Variants in ATP2A3 observed in about 807,000 individuals in gnomAD.
ATP2A3 encodes sarcoplasmic/endoplasmic reticulum calcium ATPase 3.
In ATP2A3, 61 loss-of-function variants were observed where a neutral mutation model predicts 106.8. The ratio of observed to expected loss-of-function variants is 0.57; its 90% confidence interval spans 0.46 to 0.71. The LOEUF is 0.71. Ranked by LOEUF, ATP2A3 falls within the 30% of genes least tolerant of loss-of-function variation. The pLI, the probability that ATP2A3 is intolerant of heterozygous loss-of-function variation, is 0.00. For synonymous variants in ATP2A3, 611 were observed against 609.3 expected, an observed-to-expected ratio of 1.00 and a Z score of -0.04; for missense variants, 1,201 against 1,423.5, an observed-to-expected ratio of 0.84 and a Z score of 2.52.
chr17:3,941,636 T>G lies in ATP2A3; in HGVS notation c.1564A>C (p.Ile522Leu). The change falls in exon 13 of 21, where the codon ATC (isoleucine) becomes CTC (leucine). Residue 522 changes from isoleucine to leucine, a missense_variant. Physicochemically the swap from Ile to Leu is conservative, Grantham distance 5 (BLOSUM62 2). Around this residue, in one of 2 missense-constraint regions of ATP2A3, gnomAD observed 935 missense variants for 1,176.7 expected, o/e 0.79. Coordinates refer to ENST00000397041, the MANE Select transcript of ATP2A3 (RefSeq NM_005173.4). Reference protein sequence around the residue: ...MFVKGAPESVIERCSSVRVGS... With the variant: ...MFVKGAPESVLERCSSVRVGS... ...ACGCGGACTGAGCTACAGCGCTCGA[T>G]CACACTCTCAGGAGCCCCCTGCGAG... The G allele has an allele frequency of 6.2e-7, 1 of 1,608,710 alleles. No individual in the cohort carries two copies. The highest frequency in any genetic ancestry group is 8.5e-7 in the Non-Finnish European group (1 of 1,179,988).
chr17:3,941,698 A>T, intron 12 of ATP2A3, 44 bp from the exon 13 acceptor site: 1 of 1,583,388 alleles, frequency 6.3e-7, no homozygotes, highest in Non-Finnish European at 8.6e-7. Flanking sequence ...ATCAGTCAGA[A>T]CCCCTCCTCT....
chr17:3,960,387 G>A (rs562678049), intron 1 of ATP2A3, among the ~76,000 whole-genome samples: 6 of 152,348 alleles, frequency 3.9e-5, no homozygotes, highest in African/African-American at 1.4e-4. Context: ...GGCAGCCCTG[G>A]GGCCAAGGCG....
At chr17:3,945,535 C>T (rs919713491) in intron 8 of ATP2A3, among the ~76,000 whole-genome samples, 1 of 152,216 alleles carries the variant, frequency 6.6e-6, no homozygotes, top group African/African-American at 2.4e-5. Flanking sequence ...ACATGGGAAC[C>T]GCCCCCTCCT....
In ATP2A3 at chr17:3,935,231, C is replaced by T; in HGVS notation, c.2571G>A (p.Val857=). Residue 857 remains valine, a synonymous_variant, in exon 17 of 21, where the codon GTG becomes GTA. Coordinates refer to ENST00000397041, the MANE Select transcript of ATP2A3 (RefSeq NM_005173.4). ...TGATGTGAGGTCCCTCGGCGTCATACACAAACCACCAGGTGGCGGCAGCCA... is the reference window on the plus strand; with the variant it reads ...TGATGTGAGGTCCCTCGGCGTCATATACAAACCACCAGGTGGCGGCAGCCA... ...ATVAAATWWF[V]YDAEGPHINF... 1.2e-6 allele frequency: 2 copies of T among 1,613,932 alleles called. No individual in the cohort carries two copies. The highest frequency in any genetic ancestry group is 1.7e-6 in the Non-Finnish European group (2 of 1,180,046).
rs1321308248 is a variant in ATP2A3 at position 3,942,673 on chromosome 17, G to A, written c.1478C>T (p.Ser493Phe). The change falls in exon 12 of 21, where the codon TCC (serine) becomes TTC (phenylalanine). Residue 493 changes from serine (S) to phenylalanine (F), a missense_variant. Physicochemically the swap from Ser to Phe is radical, Grantham distance 155. Coordinates refer to ENST00000397041, the MANE Select transcript of ATP2A3 (RefSeq NM_005173.4). ...GGTGGGCGTGCAGTACACGGACATG[G>A]ATTTCCGGTCTCGGGAGAACTCCAG... ...FTLEFSRDRK[S>F]MSVYCTPTRP... 1.9e-6 allele frequency: 3 copies of A among 1,613,624 alleles called. No homozygotes were observed. The highest frequency in any genetic ancestry group is 3.3e-5 in the Admixed American group (2 of 60,006).
At chr17:3,927,168 C>T in intron 20 of ATP2A3, 1 of 985,436 alleles carries the variant, frequency 1.0e-6, no homozygotes, top group Middle Eastern at 5.2e-4. Context: ...TCCCTCCCAG[C>T]CCTCCTAGCC....
In ATP2A3 at chr17:3,951,404, G is replaced by A. The variant is rs1056874040; in HGVS notation, c.325-15C>T. ...GCGTTGCGTTCCTGCAGAATAGAAG[G>A]CCGGCAGGCAGTCTGTCCCTGCTGC... On this transcript the variant is annotated splice_polypyrimidine_tract_variant and intron_variant, in intron 4 of 20. Coordinates refer to ENST00000397041, the MANE Select transcript of ATP2A3 (RefSeq NM_005173.4). 2 of 1,613,368 alleles carry A rather than the reference G, an allele frequency of 1.2e-6. No individual in the cohort carries two copies. The highest frequency in any genetic ancestry group is 1.7e-6 in the Non-Finnish European group (2 of 1,179,990).
At chr17:3,954,383 C>T (rs916604420) in intron 1 of ATP2A3, among the ~76,000 whole-genome samples, 2 of 151,496 alleles carry the variant, frequency 1.3e-5, no homozygotes, top group East Asian at 1.9e-4. Context: ...TGCACTCCAT[C>T]GAGCTCAGTG....
intron 20 of ATP2A3, chr17:3,927,479 A>G: frequency 1.0e-6 from 1 of 985,444 alleles, no homozygotes; most frequent in Non-Finnish European, 1.2e-6. Flanking sequence ...CTGGCTGTGC[A>G]GGTGAGTGAG....
chr17:3,931,947 G>T (rs962411239), intron 17 of ATP2A3, among the ~76,000 whole-genome samples: 3 of 152,106 alleles, frequency 2.0e-5, no homozygotes, highest in Non-Finnish European at 4.4e-5. Flanking sequence ...TTCCCACACT[G>T]CACAAATGCA....
chr17:3,940,670 G>A (rs893418412), intron 14 of ATP2A3, among the ~76,000 whole-genome samples: 3 of 152,116 alleles, frequency 2.0e-5, no homozygotes, highest in East Asian at 1.9e-4. Context: ...ACCACGCCCC[G>A]CTAATTTTTG....
Position 3,941,296 on chromosome 17 carries a change from G to A in ATP2A3, c.1775C>T (p.Thr592Ile). Residue 592 changes from threonine to isoleucine, a missense_variant, in exon 14 of 21, where the codon ACC (threonine) becomes ATC (isoleucine). Coordinates refer to ENST00000397041, the MANE Select transcript of ATP2A3 (RefSeq NM_005173.4). ...SKFVQYETDL[T>I]FVGCVGMLDP... ...CAGCATGCCTACGCAGCCCACGAAGGTCAGGTCCGTCTGTAGGGAGGGGGC... is the reference window on the plus strand; with the variant it reads ...CAGCATGCCTACGCAGCCCACGAAGATCAGGTCCGTCTGTAGGGAGGGGGC... The A allele has an allele frequency of 3.7e-6, 6 of 1,613,630 alleles. No individual in the cohort carries two copies. The highest frequency in any genetic ancestry group is 5.1e-6 in the Non-Finnish European group (6 of 1,179,876).
intron 3 of ATP2A3, among the ~76,000 whole-genome samples, chr17:3,951,987 A>C (rs2054474333): frequency 6.6e-6 from 1 of 152,176 alleles, no homozygotes; most frequent in African/African-American, 2.4e-5. Context: ...CAGCAGCAGC[A>C]GCAGCTGGGA....
Position 3,928,344 on chromosome 17 carries a change from C to A in ATP2A3, c.2980+319G>T. ...AAAGACAGGCTGGGTGCAGAGGGGT[C>A]AGAGGCTGAGGCCCAGAAGAGCACA... is the stretch of plus-strand genomic sequence containing the variant. On this transcript the variant is annotated intron_variant, in intron 20 of 20. Transcript: ENST00000397041. The surrounding 1 kb of genome is among the most constrained non-coding windows in gnomAD (Gnocchi z 6.1). The A allele has an allele frequency of 6.2e-7, 1 of 1,609,934 alleles. No individual in the cohort carries two copies. The highest frequency in any genetic ancestry group is 1.1e-5 in the South Asian group (1 of 90,844).
intron 9 of ATP2A3, 96 bp from the exon 10 acceptor site, chr17:3,944,902 G>A: frequency 7.4e-7 from 1 of 1,343,288 alleles, no homozygotes; most frequent in Non-Finnish European, 1.0e-6. Flanking sequence ...TCCGCCTCTT[G>A]GCCCCGCCCC....
chr17:3,960,246 C>T (rs952165808), intron 1 of ATP2A3, among the ~76,000 whole-genome samples: 4 of 152,236 alleles, frequency 2.6e-5, no homozygotes, highest in South Asian at 4.1e-4. Flanking sequence ...GCCTGGTTTC[C>T]GTGGGCTACG....
intron 17 of ATP2A3, 27 bp downstream of exon 17, chr17:3,935,165 C>T: frequency 6.2e-7 from 1 of 1,612,608 alleles, no homozygotes; most frequent in East Asian, 2.2e-5. Context: ...GTAAGTTCAA[C>T]AGGCTCCCTG....
chr17:3,932,423 C>T (rs1007841414), intron 17 of ATP2A3, among the ~76,000 whole-genome samples: 1 of 151,308 alleles, frequency 6.6e-6, no homozygotes, highest in Non-Finnish European at 1.5e-5. Context: ...GGCTTACAGG[C>T]GTGAGCCACT....
Position 3,930,419 on chromosome 17 carries a change from A to C in ATP2A3, c.2626T>G (p.Cys876Gly). The change falls in exon 18 of 21, where the codon TGC (cysteine) becomes GGC (glycine). Residue 876 changes from cysteine (C) to glycine (G), a missense_variant. Cys to Gly is a radical substitution (Grantham distance 159). Coordinates refer to ENST00000397041, the MANE Select transcript of ATP2A3 (RefSeq NM_005173.4). This position sits in a 1 kb window ranked among gnomAD's most constrained non-coding sequence, Gnocchi z 5.4. Reference protein sequence around the residue: ...NFYQLRNFLKCSEDNPLFAGI... With the variant: ...NFYQLRNFLKGSEDNPLFAGI... ...GCAAAGAGCGGGTTGTCTTCGGAGC[A>C]CTTCAGGAAGTTCCTCTGGGGGCAC... The C allele has an allele frequency of 6.2e-7, 1 of 1,613,972 alleles. No individual in the cohort carries two copies. Among genetic ancestry groups the C allele is most frequent in the Non-Finnish European group, 8.5e-7 (1 of 1,179,998 alleles).
Sources: gnomAD v4.1 joint callset for allele counts (sites outside exome capture counted in the v4.1 genomes callset) on GRCh38, gnomAD v4.1.1 for gene constraint, gnomAD v4.1.1 regional missense constraint, Gnocchi (gnomAD v3.1) non-coding constraint, MANE v1.5 for transcripts, NCBI Gene and HGNC (gene_info 2026-07-23, HGNC 2026-07-21) for gene names.